FARP1: variants seen among roughly 807,000 people sequenced by gnomAD.
FARP1 encodes the protein FERM, ARH/RhoGEF and pleckstrin domain protein 1.
In FARP1, 52 loss-of-function variants were observed where a neutral mutation model predicts 128.8. The ratio of observed to expected loss-of-function variants is 0.40; its 90% CI spans 0.32 to 0.51. The LOEUF is 0.51. Among genes scored for constraint, FARP1 ranks in the 20% least tolerant of loss-of-function variants. FARP1 has a pLI of 0.45. For synonymous variants in FARP1, 580 were observed against 551.8 expected (o/e 1.05, Z -0.72); for missense variants, 1,333 against 1,367.9 (o/e 0.97, Z 0.40).
At chr13:98,191,271 T>C (rs1462026940) in intron 1 of FARP1, among the ~76,000 whole-genome samples, 4 of 152,160 alleles carry the variant, frequency 2.6e-5, no homozygotes, top group African/African-American at 7.2e-5. Context: ...AAGAGCAACC[T>C]TGGGAGTCTC....
chr13:98,164,757 T>G (rs1215068565), intron 1 of FARP1, among the ~76,000 whole-genome samples: 5 of 152,156 alleles, frequency 3.3e-5, no homozygotes, highest in Non-Finnish European at 7.4e-5. Context: ...AGCCATGGTC[T>G]GGCAGGTTGA....
chr13:98,419,027 C>T (rs764582944), intron 16 of FARP1, among the ~76,000 whole-genome samples: 29 of 152,176 alleles, frequency 1.9e-4, no homozygotes, highest in Non-Finnish European at 4.0e-4. Flanking sequence ...CTGTGTTTCC[C>T]GCAGCTGCCA....
chr13:98,215,896 T>C (rs1566752709), intron 2 of FARP1, among the ~76,000 whole-genome samples: 1 of 152,076 alleles, frequency 6.6e-6, no homozygotes, highest in African/African-American at 2.4e-5. Flanking sequence ...GTTTAAGCGA[T>C]TCTTCTGCCT....
intron 2 of FARP1, among the ~76,000 whole-genome samples, chr13:98,217,168 T>C (rs1225189773): frequency 6.6e-6 from 1 of 152,386 alleles, no homozygotes; most frequent in Non-Finnish European, 1.5e-5. Context: ...ATTCAGTTTA[T>C]GTATTTTCAT....
intron 3 of FARP1, among the ~76,000 whole-genome samples, chr13:98,345,832 C>T (rs9584814): frequency 0.11 from 16,146 of 152,240 alleles, 1,115 homozygotes; most frequent in African/African-American, 0.19. Context: ...AAAGCAGCCA[C>T]AGATAATATG....
At chr13:98,239,380 A>T (rs1882632701) in intron 2 of FARP1, among the ~76,000 whole-genome samples, 1 of 152,166 alleles carries the variant, frequency 6.6e-6, no homozygotes, top group African/African-American at 2.4e-5. Context: ...GCGTGCTTGC[A>T]ATTGGAGCTC....
chr13:98,438,535 CAG>C (rs1048381699), intron 19 of FARP1, among the ~76,000 whole-genome samples: 4 of 152,098 alleles, frequency 2.6e-5, no homozygotes, highest in African/African-American at 9.7e-5. Context: ...GGGGAGGAGA[CAG>C]ATGATCCCTA....
intron 2 of FARP1, among the ~76,000 whole-genome samples, chr13:98,306,794 G>T (rs1227895088): frequency 1.3e-5 from 2 of 152,186 alleles, no homozygotes; most frequent in Non-Finnish European, 2.9e-5. Flanking sequence ...AAAGTACTGG[G>T]ATTACAGGTG....
At chr13:98,314,277 T>C (rs1886622739) in intron 2 of FARP1, among the ~76,000 whole-genome samples, 1 of 55,576 alleles carries the variant, frequency 1.8e-5, no homozygotes, top group East Asian at 1.4e-3. Context: ...TTTATGTCTT[T>C]TTTTTTTTTT....
rs550663019 is a variant in FARP1 at position 98,316,680 on chromosome 13, C to T, written c.172-27082C>T. 4.6e-5 allele frequency among the ~76,000 whole-genome samples: 7 copies of T among 152,332 alleles called. 1 individual carries two copies. The highest frequency in any genetic ancestry group is 1.7e-4 in the African/African-American group (7 of 41,582). On this transcript the variant is annotated intron_variant, in intron 2 of 26. Coordinates refer to ENST00000319562, the MANE Select transcript of FARP1 (RefSeq NM_005766.4). ...TATTTGTAACTAGTGGATGCCAGAACACTGCGTTGCAAGCATGTGTATAGC... is the reference window on the plus strand; with the variant it reads ...TATTTGTAACTAGTGGATGCCAGAATACTGCGTTGCAAGCATGTGTATAGC...
intron 1 of FARP1, among the ~76,000 whole-genome samples, chr13:98,198,315 TC>T (rs1295187225): frequency 6.6e-6 from 1 of 152,200 alleles, no homozygotes; most frequent in Non-Finnish European, 1.5e-5. Context: ...CTGAAAAGCA[TC>T]TCAACATAGC....
chr13:98,328,168 A>AG, intron 2 of FARP1: 1 of 152,326 alleles, frequency 6.6e-6, no homozygotes, highest in East Asian at 1.9e-4. Context: ...GGGTGGTGTC[A>AG]GTCTGTTGGT....
chr13:98,293,833 T>C (rs771176063), intron 2 of FARP1, among the ~76,000 whole-genome samples: 2 of 152,166 alleles, frequency 1.3e-5, no homozygotes, highest in Non-Finnish European at 2.9e-5. Context: ...ATCCTGTCTT[T>C]AAACTAAGAT....
intron 2 of FARP1, among the ~76,000 whole-genome samples, chr13:98,297,701 G>T (rs990185764): frequency 8.5e-5 from 13 of 152,120 alleles, no homozygotes; most frequent in Non-Finnish European, 1.8e-4. Flanking sequence ...GCAAAATTTG[G>T]GTAGATGTGT....
intron 1 of FARP1, among the ~76,000 whole-genome samples, chr13:98,163,983 A>G (rs1454125213): frequency 1.3e-5 from 2 of 152,232 alleles, no homozygotes; most frequent in Non-Finnish European, 2.9e-5. Context: ...TGCTGGGATT[A>G]CAGGCATGAG....
chr13:98,303,623 G>A lies in FARP1; in HGVS notation c.172-40139G>A, dbSNP rs146779675. Among the ~76,000 whole-genome samples, 1,426 of 152,254 alleles carry A rather than the reference G, an allele frequency of 9.4e-3. 13 individuals carry two copies. Among genetic ancestry groups the A allele is most frequent in the Non-Finnish European group, 0.016 (1,104 of 68,020 alleles). ...AGTAAGCAGATGTTCCAGAGTCCCC[G>A]TTGTCGTCTTCTGAAATGCTCAACA... On this transcript the variant is annotated intron_variant, in intron 2 of 26. Coordinates refer to ENST00000319562, the MANE Select transcript of FARP1 (RefSeq NM_005766.4).
rs372583011 is a variant in FARP1 at position 98,308,496 on chromosome 13, A to G, written c.172-35266A>G. Among the ~76,000 whole-genome samples, 354 of 152,292 alleles carry G rather than the reference A, an allele frequency of 2.3e-3. 2 individuals carry two copies. The highest frequency in any genetic ancestry group is 8.3e-3 in the African/African-American group (343 of 41,560). On this transcript the variant is annotated intron_variant, in intron 2 of 26. Coordinates refer to ENST00000319562, the MANE Select transcript of FARP1 (RefSeq NM_005766.4). ...AGGTCAGAGGCTGGAGCCGCTGTCC[A>G]GGACAGCCTGACGAGCCACATGCAC...
At chr13:98,334,323 C>T (rs1887647848) in intron 2 of FARP1, 1 of 152,198 alleles carries the variant, frequency 6.6e-6, no homozygotes, top group African/African-American at 2.4e-5. Context: ...GATGTTACTG[C>T]TGATGTCTGG....
intron 2 of FARP1, chr13:98,329,958 TAAAAA>T (rs1357395871): frequency 5.3e-5 from 8 of 151,878 alleles, no homozygotes; most frequent in Middle Eastern, 3.4e-3. Context: ...AAGTGAAAAA[TAAAAA>T]GAAATAGAGC....
Sources: allele counts gnomAD v4.1 joint callset (sites outside exome capture counted in the v4.1 genomes callset), GRCh38; gene constraint gnomAD v4.1.1; transcripts MANE v1.5; gene names NCBI Gene and HGNC (gene_info 2026-07-23, HGNC 2026-07-21).